CSMD2: variants seen among roughly 807,000 people sequenced by gnomAD.
CSMD2 encodes CUB and Sushi multiple domains 2, also known as CUB and sushi domain-containing protein 2.
CSMD2 carries 130 observed loss-of-function variants against 398.5 expected under a neutral mutation model. The ratio of observed to expected loss-of-function variants is 0.33; its 90% CI spans 0.28 to 0.38. CSMD2 has a LOEUF of 0.38. Ranked by LOEUF, CSMD2 falls within the 10% of genes least tolerant of loss-of-function variation. The probability of loss-of-function intolerance (pLI) is 1.00; values close to 1 mark genes in which losing one functional copy is unlikely to be tolerated. For missense variants in CSMD2, 3,829 were observed against 4,764.9 expected, an observed-to-expected ratio of 0.80 and a Z score of 5.78; for synonymous variants, 1,828 against 1,908.5, an observed-to-expected ratio of 0.96 and a Z score of 1.10.
chr1:33,542,636 CAT>C lies in CSMD2; in HGVS notation c.9277+82_9277+83del, dbSNP rs1397775812. ...TCCGACCATCCCAACCATTCTGCAC[CAT>C]CTTCCATGGATAGCCTTCTCCTCTG... On this transcript the variant is annotated intron_variant, in intron 58 of 70. Coordinates refer to ENST00000373381, the MANE Select transcript of CSMD2 (RefSeq NM_001281956.2). 6 of 1,271,784 alleles carry C rather than the reference CAT, an allele frequency of 4.7e-6. No homozygotes were observed. The African/African-American group carries it at 7.4e-5, about 16-fold the overall frequency. The allele number at this position is 1,271,784 out of a possible 1,614,324, so 78.8% of individuals were successfully genotyped here. A position where few individuals can be genotyped will look rare whatever the true frequency, so the allele number is the denominator to read the frequency against.
intron 5 of CSMD2, chr1:33,862,315 G>C (rs1400688840): frequency 1.4e-5 from 2 of 145,588 alleles, no homozygotes; most frequent in Admixed American, 7.2e-5. Context: ...GAGAGGGATG[G>C]AAGGTTAAGA....
chr1:34,151,987 C>A (rs1434946807), intron 1 of CSMD2, among the ~76,000 whole-genome samples: 1 of 152,142 alleles, frequency 6.6e-6, no homozygotes, highest in Non-Finnish European at 1.5e-5. Flanking sequence ...GGACTACAGG[C>A]ACATGCCACT....
chr1:34,032,115 C>T (rs912907787), intron 3 of CSMD2, among the ~76,000 whole-genome samples: 10 of 152,024 alleles, frequency 6.6e-5, no homozygotes, highest in African/African-American at 2.2e-4. Flanking sequence ...AACCAAAAGC[C>T]CCTAATCCAT....
intron 3 of CSMD2, among the ~76,000 whole-genome samples, chr1:33,979,770 A>G (rs1001953148): frequency 2.2e-4 from 34 of 152,242 alleles, no homozygotes; most frequent in African/African-American, 7.7e-4. Flanking sequence ...ACTATGATGC[A>G]GGGGTTAAGA....
At chr1:33,677,581 C>T in intron 25 of CSMD2, among the ~76,000 whole-genome samples, 1 of 152,040 alleles carries the variant, frequency 6.6e-6, no homozygotes, top group East Asian at 1.9e-4. Context: ...CTAGAAATAC[C>T]ATTTGATTCA....
At position 33,546,166 on chromosome 1, in the gene CSMD2, A is replaced by G; in HGVS notation, c.8971T>C (p.Leu2991=). ...GTGCCTGGATCAAAGCTGTCCCCCA[A>G]ACGGATGCCATGAGCCGGGATCCCA... is the stretch of plus-strand genomic sequence containing the variant. The part of the protein sequence containing the change: ...DPGIPAHGIR[L]GDSFDPGTVM... Residue 2991 remains leucine (L), a synonymous_variant, in exon 57 of 71, where the codon TTG becomes CTG. Transcript: ENST00000373381. 6.2e-6 allele frequency: 10 copies of G among 1,614,180 alleles called. No individual in the cohort carries two copies. Among genetic ancestry groups the G allele is most frequent in the East Asian group, 2.2e-5 (1 of 44,880 alleles).
chr1:33,953,125 A>G (rs11811253), intron 3 of CSMD2, among the ~76,000 whole-genome samples: 4,717 of 152,318 alleles, frequency 0.031, 259 homozygotes, highest in African/African-American at 0.11. Context: ...GATACAGGCC[A>G]TGGCCAGGCT....
chr1:33,601,063 C>G, intron 43 of CSMD2, 53 bp from the exon 44 acceptor site: 1 of 1,608,328 alleles, frequency 6.2e-7, no homozygotes, highest in Non-Finnish European at 8.5e-7. Flanking sequence ...TGGCTGCCTG[C>G]TCCACTTGGT....
chr1:33,633,647 G>A lies in CSMD2; in HGVS notation c.5087-112C>T, dbSNP rs1642609121. On this transcript the variant is annotated intron_variant, in intron 31 of 70. Transcript: ENST00000373381. This position sits in a 1 kb window ranked among gnomAD's most constrained non-coding sequence, Gnocchi z 5.0. ...GAGGGCAGCCCTGGGGAAGTTGTTG[G>A]TTCCTGGGCTGTGGCTTGCTGCACT... 6.6e-6 allele frequency: 5 copies of A among 758,608 alleles called. No homozygotes were observed. Among genetic ancestry groups the A allele is most frequent in the Non-Finnish European group, 2.3e-6 (1 of 444,146 alleles). The allele number at this position is 758,608 out of a possible 1,614,324, so 47.0% of individuals were successfully genotyped here. A position where few individuals can be genotyped will look rare whatever the true frequency, so the allele number is the denominator to read the frequency against.
intron 1 of CSMD2, among the ~76,000 whole-genome samples, chr1:34,133,141 C>T (rs1285346136): frequency 6.6e-6 from 1 of 152,210 alleles, no homozygotes; most frequent in Non-Finnish European, 1.5e-5. Context: ...CTAGCACCTT[C>T]TATTACCACC....
In CSMD2 at chr1:33,984,712, G is replaced by A. The variant is rs1032271713; in HGVS notation, c.517+47882C>T. On this transcript the variant is annotated intron_variant, in intron 3 of 70. Coordinates refer to ENST00000373381, the MANE Select transcript of CSMD2 (RefSeq NM_001281956.2). ...GTGAGAGGATCCCTTGGGTCCAGAA[G>A]TTGAAGGCTGCAGTGAGCTGAGATT... is the stretch of plus-strand genomic sequence containing the variant. Among the ~76,000 whole-genome samples the A allele has an allele frequency of 4.6e-5, 7 of 152,250 alleles. No individual in the cohort carries two copies. The South Asian group carries it at 1.5e-3, about 32-fold the overall frequency.
At chr1:33,908,002 A>T (rs1471340271) in intron 5 of CSMD2, among the ~76,000 whole-genome samples, 1 of 147,416 alleles carries the variant, frequency 6.8e-6, no homozygotes, top group East Asian at 2.0e-4. Flanking sequence ...CAAGAGAATC[A>T]CTTGAACCTG....
At chr1:33,754,210 G>A (rs532274780) in intron 13 of CSMD2, among the ~76,000 whole-genome samples, 1 of 152,188 alleles carries the variant, frequency 6.6e-6, no homozygotes, top group African/African-American at 2.4e-5. Flanking sequence ...GGCCTGGGGG[G>A]AGGTATTTGG....
intron 6 of CSMD2, among the ~76,000 whole-genome samples, chr1:33,837,627 G>A (rs2125056601): frequency 6.6e-6 from 1 of 152,280 alleles, no homozygotes; most frequent in East Asian, 1.9e-4. Flanking sequence ...CGTATAACAA[G>A]CACACTCACA....
At chr1:33,719,664 G>A (rs1646290208) in intron 19 of CSMD2, among the ~76,000 whole-genome samples, 1 of 152,148 alleles carries the variant, frequency 6.6e-6, no homozygotes, top group Admixed American at 6.5e-5. Context: ...TGGACTTGGG[G>A]GTAAGAAACA....
chr1:34,024,802 C>CTA (rs1649407949), intron 3 of CSMD2, among the ~76,000 whole-genome samples: 1 of 152,152 alleles, frequency 6.6e-6, no homozygotes, highest in Admixed American at 6.5e-5. Context: ...GTATGTCTAT[C>CTA]TATATATATG....
chr1:33,546,170 G>C lies in CSMD2; in HGVS notation c.8967C>G (p.Ile2989Met). 6.2e-7 allele frequency: 1 copy of C among 1,614,176 alleles called. No homozygotes were observed. The highest frequency in any genetic ancestry group is 8.5e-7 in the Non-Finnish European group (1 of 1,180,014). The change falls in exon 57 of 71, where the codon ATC becomes ATG. Residue 2989 changes from isoleucine to methionine, a missense_variant. Ile to Met is a conservative substitution (Grantham distance 10). Coordinates refer to ENST00000373381, the MANE Select transcript of CSMD2 (RefSeq NM_001281956.2). Reference protein sequence around the residue: ...CGDPGIPAHGIRLGDSFDPGT... With the variant: ...CGDPGIPAHGMRLGDSFDPGT... ...CTGGATCAAAGCTGTCCCCCAAACG[G>C]ATGCCATGAGCCGGGATCCCAGGGT...
chr1:33,796,700 G>T (rs1399876461), intron 10 of CSMD2, among the ~76,000 whole-genome samples: 1 of 152,188 alleles, frequency 6.6e-6, no homozygotes. Flanking sequence ...TGGAACAAGG[G>T]AAGACAACCA....
chr1:34,103,011 C>T (rs996927996), intron 1 of CSMD2, among the ~76,000 whole-genome samples: 18 of 152,152 alleles, frequency 1.2e-4, no homozygotes, highest in African/African-American at 4.3e-4. Flanking sequence ...GAACCTGGTA[C>T]ATAATAGATG....
Sources: gnomAD v4.1 joint callset for allele counts (sites outside exome capture counted in the v4.1 genomes callset) on GRCh38, gnomAD v4.1.1 for gene constraint, Gnocchi (gnomAD v3.1) non-coding constraint, MANE v1.5 for transcripts, NCBI Gene and HGNC (gene_info 2026-07-23, HGNC 2026-07-21) for gene names.